The following NRG3 variants were observed in gnomAD, a reference collection of about 807,000 sequenced individuals.
NRG3 encodes the protein neuregulin 3.
In NRG3, 31 loss-of-function variants were observed where a neutral mutation model predicts 66.9. The ratio of observed to expected loss-of-function variants is 0.46; its 90% confidence interval spans 0.35 to 0.63. The LOEUF (loss-of-function observed/expected upper bound fraction) is 0.63. Ranked by LOEUF, NRG3 falls within the 20% of genes least tolerant of loss-of-function variation. The pLI is 0.00. For missense variants in NRG3, 910 were observed against 878.9 expected, an observed-to-expected ratio of 1.04 and a Z score of -0.45; for synonymous variants, 393 against 359.4, an observed-to-expected ratio of 1.09 and a Z score of -1.06.
intron 2 of NRG3, among the ~76,000 whole-genome samples, chr10:82,428,702 T>C (rs1042947284): frequency 6.6e-6 from 1 of 151,966 alleles, no homozygotes; most frequent in Non-Finnish European, 1.5e-5. Flanking sequence ...TGGAGTGTTT[T>C]ATAGATGTCT....
intron 1 of NRG3, among the ~76,000 whole-genome samples, chr10:82,345,044 C>T (rs2082920039): frequency 6.0e-5 from 7 of 116,348 alleles, no homozygotes; most frequent in Admixed American, 1.6e-4. Flanking sequence ...GTTTCTTTTG[C>T]TGTGCAGAAG....
Position 82,518,859 on chromosome 10 carries a change from T to TA in NRG3, c.953+159992dup, listed in dbSNP as rs1845936818. On this transcript the variant is annotated intron_variant, in intron 2 of 8. Transcript: ENST00000372141. ...TAGATGACACCTGATACTAAAAATC[T>TA]ACCTACCAGCCTGAACAGTTCAGAA... 3.9e-5 allele frequency among the ~76,000 whole-genome samples: 6 copies of TA among 152,308 alleles called. No individual in the cohort carries two copies. In the South Asian group the frequency reaches 1.2e-3, roughly 32 times the overall value.
chr10:81,995,232 T>A (rs1564721824), intron 1 of NRG3, among the ~76,000 whole-genome samples: 1 of 152,234 alleles, frequency 6.6e-6, no homozygotes, highest in Non-Finnish European at 1.5e-5. Context: ...TATGATTATA[T>A]GATGAATGCC....
chr10:82,214,651 C>T (rs1222260955), intron 1 of NRG3, among the ~76,000 whole-genome samples: 1 of 151,978 alleles, frequency 6.6e-6, no homozygotes, highest in East Asian at 1.9e-4. Flanking sequence ...TTTTTTTGCA[C>T]AGAGATGGGG....
chr10:82,761,952 C>CTTTCTTTCTTTCTTTCT (rs2059335332), intron 3 of NRG3, among the ~76,000 whole-genome samples: 1 of 123,878 alleles, frequency 8.1e-6, no homozygotes, highest in African/African-American at 2.9e-5. Context: ...TTCTTTCTTT[C>CTTTCTTTCTTTCTTTCT]TTTCTTTCTT....
chr10:82,979,142 G>A, intron 8 of NRG3, 22 bp downstream of exon 8: 1 of 1,611,344 alleles, frequency 6.2e-7, no homozygotes. Context: ...AACAGCAGTG[G>A]AATTTAGGGA....
chr10:82,389,045 A>G (rs1377536553), intron 2 of NRG3, among the ~76,000 whole-genome samples: 3 of 152,092 alleles, frequency 2.0e-5, no homozygotes, highest in African/African-American at 7.2e-5. Context: ...TACTAGAACT[A>G]CTCATTAACT....
At chr10:82,612,009 T>C (rs1217111413) in intron 2 of NRG3, among the ~76,000 whole-genome samples, 1 of 152,254 alleles carries the variant, frequency 6.6e-6, no homozygotes, top group Non-Finnish European at 1.5e-5. Flanking sequence ...TGCATTTCTC[T>C]AATGACCAGT....
chr10:82,823,776 G>C (rs1652599036), intron 3 of NRG3, among the ~76,000 whole-genome samples: 1 of 152,060 alleles, frequency 6.6e-6, no homozygotes, highest in Non-Finnish European at 1.5e-5. Context: ...CTTGACTGAG[G>C]TCTCCGTTGC....
At chr10:82,269,020 T>C (rs572187828) in intron 1 of NRG3, among the ~76,000 whole-genome samples, 1 of 152,270 alleles carries the variant, frequency 6.6e-6, no homozygotes, top group East Asian at 1.9e-4. Context: ...TCACCGTGAC[T>C]CCTTTGCAAT....
intron 1 of NRG3, among the ~76,000 whole-genome samples, chr10:82,011,150 T>A (rs1008788751): frequency 5.3e-5 from 8 of 152,148 alleles, no homozygotes; most frequent in Non-Finnish European, 1.0e-4. Context: ...AGAGTTTTAA[T>A]GGACTCACAG....
At chr10:81,928,123 G>A (rs375007978) in intron 1 of NRG3, among the ~76,000 whole-genome samples, 1 of 152,116 alleles carries the variant, frequency 6.6e-6, no homozygotes, top group Non-Finnish European at 1.5e-5. Flanking sequence ...AAGCTAAACT[G>A]TACTTATTCT....
intron 1 of NRG3, among the ~76,000 whole-genome samples, chr10:82,169,993 G>A (rs2072439200): frequency 1.8e-5 from 1 of 56,240 alleles, no homozygotes; most frequent in Non-Finnish European, 3.5e-5. Context: ...TTTTTCATGT[G>A]TGTTTTTTTT....
intron 1 of NRG3, among the ~76,000 whole-genome samples, chr10:81,940,987 T>G (rs955891742): frequency 1.3e-5 from 2 of 152,104 alleles, no homozygotes; most frequent in Non-Finnish European, 1.5e-5. Context: ...TTACAATAGA[T>G]ATATAATTCT....
At chr10:81,950,164 T>C (rs965790061) in intron 1 of NRG3, among the ~76,000 whole-genome samples, 8 of 152,228 alleles carry the variant, frequency 5.3e-5, no homozygotes, top group African/African-American at 1.9e-4. Flanking sequence ...ACCCTTTTTA[T>C]TCAATGAGAT....
chr10:82,092,045 A>G (rs564077561), intron 1 of NRG3, among the ~76,000 whole-genome samples: 86 of 152,298 alleles, frequency 5.6e-4, no homozygotes, highest in Admixed American at 1.6e-3. Context: ...TATTATTACT[A>G]TAGTTAACAT....
chr10:82,490,588 C>CTA (rs1244029973), intron 2 of NRG3, among the ~76,000 whole-genome samples: 4 of 152,112 alleles, frequency 2.6e-5, no homozygotes, highest in Non-Finnish European at 5.9e-5. Context: ...TATGTATCAC[C>CTA]TACATTTCAA....
intron 3 of NRG3, among the ~76,000 whole-genome samples, chr10:82,783,690 G>A (rs1441650809): frequency 6.6e-6 from 1 of 152,090 alleles, no homozygotes; most frequent in African/African-American, 2.4e-5. Context: ...ACAAACCACT[G>A]CTCAATGAAG....
intron 1 of NRG3, among the ~76,000 whole-genome samples, chr10:81,933,503 C>A (rs73306522): frequency 0.028 from 4,336 of 152,248 alleles, 208 homozygotes; most frequent in African/African-American, 0.099. Context: ...TATGTGTATA[C>A]ATGTGCCATG....
Sources: gnomAD v4.1 joint callset for allele counts (sites outside exome capture counted in the v4.1 genomes callset) on GRCh38, gnomAD v4.1.1 for gene constraint, MANE v1.5 for transcripts, NCBI Gene and HGNC (gene_info 2026-07-23, HGNC 2026-07-21) for gene names.